The following CNTN4 variants were observed in gnomAD, a reference collection of about 807,000 sequenced individuals.
The protein encoded by CNTN4 is contactin-4.
A neutral mutation model predicts 122.5 loss-of-function variants in CNTN4; 77 were observed. That is an observed-to-expected ratio of 0.63 (90% CI 0.52 to 0.76). The LOEUF (loss-of-function observed/expected upper bound fraction) is 0.76. Among genes scored for constraint, CNTN4 ranks in the 30% least tolerant of loss-of-function variants. The pLI is 0.00. For missense variants in CNTN4, 1,256 were observed against 1,259.1 expected (o/e 1.00, Z 0.04); for synonymous variants, 512 against 447.0 (o/e 1.15, Z -1.83).
chr3:2,376,444 G>A (rs2045819164), intron 3 of CNTN4, among the ~76,000 whole-genome samples: 1 of 152,066 alleles, frequency 6.6e-6, no homozygotes, highest in Non-Finnish European at 1.5e-5. Context: ...TTCCCTTTTG[G>A]GCAGGAGCAG....
At chr3:2,663,198 C>T (rs560006838) in intron 4 of CNTN4, among the ~76,000 whole-genome samples, 40 of 151,910 alleles carry the variant, frequency 2.6e-4, no homozygotes, top group African/African-American at 8.0e-4. Context: ...TCAATGATGG[C>T]GATTTATTAA....
At chr3:2,343,548 T>C (rs2044287115) in intron 3 of CNTN4, among the ~76,000 whole-genome samples, 2 of 152,310 alleles carry the variant, frequency 1.3e-5, no homozygotes, top group Non-Finnish European at 2.9e-5. Context: ...GGGAAACCTC[T>C]AGAGGGTAAA....
rs551572739 is a variant in CNTN4, at chr3:2,840,502, C to G, written c.454+20921C>G. 2.2e-5 allele frequency among the ~76,000 whole-genome samples: 3 copies of G among 137,392 alleles called. No individual in the cohort carries two copies. The Admixed American group carries it at 2.4e-4, about 11-fold the overall frequency. The allele number at this position is 137,392 out of a possible 152,430, so 90.1% of individuals were successfully genotyped here. A position where few individuals can be genotyped will look rare whatever the true frequency, so the allele number is the denominator to read the frequency against. ...GATCACGAGGTCAGGAGATCGAGAC[C>G]ATCCTGGCTAACACGGTGAAACCCC... On this transcript the variant is annotated intron_variant, in intron 7 of 24. Coordinates refer to ENST00000418658, the MANE Select transcript of CNTN4 (RefSeq NM_175607.3).
intron 3 of CNTN4, among the ~76,000 whole-genome samples, chr3:2,416,537 G>A (rs1173918794): frequency 1.3e-5 from 2 of 152,148 alleles, no homozygotes; most frequent in Non-Finnish European, 2.9e-5. Context: ...CTTCATTAGT[G>A]GATATTACAT....
rs2728074 is a variant in CNTN4 at position 2,640,653 on chromosome 3, A to G, written c.55+69095A>G. The stretch of plus-strand genomic sequence containing the variant: ...TGAGTGTGTGTATATGTGTGTGTGT[A>G]TATATGCACACATATATCTTTCACA... On this transcript the variant is annotated intron_variant, in intron 4 of 24. Coordinates refer to ENST00000418658, the MANE Select transcript of CNTN4 (RefSeq NM_175607.3). Among the ~76,000 whole-genome samples the G allele has an allele frequency of 5.8e-3, 732 of 126,050 alleles. 5 individuals carry two copies. The highest frequency in any genetic ancestry group is 0.022 in the African/African-American group (686 of 31,792). 82.7% of individuals were successfully genotyped at this position (126,050 alleles called of 152,430 possible). A position where few individuals can be genotyped will look rare whatever the true frequency, so the allele number is the denominator to read the frequency against.
intron 2 of CNTN4, among the ~76,000 whole-genome samples, chr3:2,115,279 G>T (rs1472319731): frequency 6.6e-6 from 1 of 152,220 alleles, no homozygotes; most frequent in Admixed American, 6.5e-5. Flanking sequence ...ACTGAACATG[G>T]TGTGTGGTCC....
At chr3:2,788,917 A>C (rs1474020) in intron 6 of CNTN4, among the ~76,000 whole-genome samples, 1 of 151,946 alleles carries the variant, frequency 6.6e-6, no homozygotes, top group Non-Finnish European at 1.5e-5. Context: ...ATAGATGAGC[A>C]TATCAATCTT....
chr3:2,475,159 A>G (rs1192594912), intron 3 of CNTN4, among the ~76,000 whole-genome samples: 1 of 152,218 alleles, frequency 6.6e-6, no homozygotes, highest in Non-Finnish European at 1.5e-5. Flanking sequence ...TTTGACAGGT[A>G]CGAAATGGAC....
intron 2 of CNTN4, among the ~76,000 whole-genome samples, chr3:2,263,701 T>A (rs1018191363): frequency 6.6e-6 from 1 of 152,088 alleles, no homozygotes; most frequent in African/African-American, 2.4e-5. Flanking sequence ...AATTTCCCTA[T>A]TGTAGAGTCA....
chr3:2,508,126 C>T (rs151092856), intron 3 of CNTN4, among the ~76,000 whole-genome samples: 13 of 152,174 alleles, frequency 8.5e-5, no homozygotes, highest in Non-Finnish European at 1.5e-4. Flanking sequence ...AATATGGCCA[C>T]ATATTTTCTT....
chr3:2,789,421 G>A (rs1243949542), intron 6 of CNTN4, among the ~76,000 whole-genome samples: 1 of 152,148 alleles, frequency 6.6e-6, no homozygotes, highest in Non-Finnish European at 1.5e-5. Context: ...TTGCCAAAGT[G>A]GATGCAACTC....
At chr3:2,217,149 G>A (rs1685508) in intron 2 of CNTN4, among the ~76,000 whole-genome samples, 88,218 of 151,834 alleles carry the variant, frequency 0.58, 26,400 homozygotes, top group African/African-American at 0.66. Context: ...TCTGCTTCCC[G>A]GGACTTTGAT....
At chr3:3,050,434 C>T (rs1054882434) in intron 23 of CNTN4, among the ~76,000 whole-genome samples, 6 of 152,194 alleles carry the variant, frequency 3.9e-5, no homozygotes, top group African/African-American at 1.4e-4. Context: ...TGCCCAGAGC[C>T]CTACAGGTGG....
intron 4 of CNTN4, among the ~76,000 whole-genome samples, chr3:2,675,768 A>G (rs2084810784): frequency 6.6e-6 from 1 of 152,156 alleles, no homozygotes. Flanking sequence ...TCAAATACGA[A>G]CACACGCTGC....
Position 2,175,035 on chromosome 3 carries a change from A to C in CNTN4, c.-145+74396A>C, listed in dbSNP as rs537079527. Among the ~76,000 whole-genome samples, 375 of 152,336 alleles carry C rather than the reference A, an allele frequency of 2.5e-3. 1 individual carries two copies. Among genetic ancestry groups the C allele is most frequent in the Non-Finnish European group, 3.9e-3 (268 of 68,032 alleles). Reference sequence around the variant, plus strand: ...GATTTGGGTGGGGTCAAATGTTCCAACTATATCACTATCACATTGGTGATT... The same window carrying C: ...GATTTGGGTGGGGTCAAATGTTCCACCTATATCACTATCACATTGGTGATT... On this transcript the variant is annotated intron_variant, in intron 2 of 24. Transcript: ENST00000418658.
intron 3 of CNTN4, among the ~76,000 whole-genome samples, chr3:2,412,568 G>T (rs928656572): frequency 6.6e-6 from 1 of 152,072 alleles, no homozygotes; most frequent in Admixed American, 6.5e-5. Flanking sequence ...AACAGTTCTC[G>T]TGTCAGATGG....
intron 6 of CNTN4, among the ~76,000 whole-genome samples, chr3:2,780,486 A>T (rs1207392902): frequency 6.6e-6 from 1 of 152,210 alleles, no homozygotes; most frequent in African/African-American, 2.4e-5. Flanking sequence ...ATAAAAGACT[A>T]TATATTTTTT....
At chr3:2,269,934 A>G (rs1304446919) in intron 2 of CNTN4, among the ~76,000 whole-genome samples, 1 of 35,992 alleles carries the variant, frequency 2.8e-5, no homozygotes, top group African/African-American at 6.2e-5. Flanking sequence ...TTATTTATTT[A>G]TTTATTTATT....
At chr3:2,162,478 G>C (rs965444861) in intron 2 of CNTN4, among the ~76,000 whole-genome samples, 1 of 152,154 alleles carries the variant, frequency 6.6e-6, no homozygotes, top group Admixed American at 6.5e-5. Context: ...TAATATAGGA[G>C]GGAAAACTGT....
Sources: gnomAD v4.1 joint callset for allele counts (sites outside exome capture counted in the v4.1 genomes callset) on GRCh38, gnomAD v4.1.1 for gene constraint, MANE v1.5 for transcripts, NCBI Gene and HGNC (gene_info 2026-07-23, HGNC 2026-07-21) for gene names.